The following PARD3 variants were observed in gnomAD, a reference collection of about 807,000 sequenced individuals.
PARD3 encodes the protein partitioning defective 3 homolog.
PARD3 carries 75 observed loss-of-function variants against 155.4 expected under a neutral mutation model. The observed-to-expected ratio is 0.48, with a 90% confidence interval of 0.40 to 0.58. The LOEUF (loss-of-function observed/expected upper bound fraction) is 0.58. PARD3 is among the 20% of genes least tolerant of loss of function. The pLI is 0.00. For synonymous variants in PARD3, 576 were observed against 610.5 expected (o/e 0.94, Z 0.83); for missense variants, 1,642 against 1,721.7 (o/e 0.95, Z 0.82).
chr10:34,233,328 GT>G (rs1002396305), intron 22 of PARD3, among the ~76,000 whole-genome samples: 2 of 151,884 alleles, frequency 1.3e-5, no homozygotes, highest in African/African-American at 4.8e-5. Context: ...CCCCATCTCA[GT>G]TTCCTTTGCT....
At chr10:34,312,236 CA>C in intron 20 of PARD3, 1 of 1,565,978 alleles carries the variant, frequency 6.4e-7, no homozygotes, top group South Asian at 1.2e-5. Context: ...ATGTCGTAAA[CA>C]AAATTCGTCA....
intron 22 of PARD3, among the ~76,000 whole-genome samples, chr10:34,165,322 C>A (rs988547568): frequency 6.6e-6 from 1 of 152,176 alleles, no homozygotes; most frequent in African/African-American, 2.4e-5. Context: ...TTCTTCACTT[C>A]CCTTTTGAAT....
intron 1 of PARD3, among the ~76,000 whole-genome samples, chr10:34,769,207 C>T (rs1034293718): frequency 1.3e-5 from 2 of 152,212 alleles, no homozygotes; most frequent in Admixed American, 1.3e-4. Flanking sequence ...TTCTAGGATG[C>T]TGGCAGACCT....
chr10:34,196,310 C>T (rs191614028), intron 22 of PARD3, among the ~76,000 whole-genome samples: 1 of 152,248 alleles, frequency 6.6e-6, no homozygotes, highest in East Asian at 1.9e-4. Flanking sequence ...CTTGTTAATA[C>T]CCCATCAACT....
chr10:34,478,081 G>A (rs948508257), intron 3 of PARD3, among the ~76,000 whole-genome samples: 1 of 152,172 alleles, frequency 6.6e-6, no homozygotes, highest in African/African-American at 2.4e-5. Flanking sequence ...GGAAGGCAGG[G>A]CAAGAAATAA....
chr10:34,222,778 C>T (rs186369542), intron 22 of PARD3, among the ~76,000 whole-genome samples: 2 of 152,320 alleles, frequency 1.3e-5, no homozygotes, highest in Admixed American at 1.3e-4. Context: ...TCACATTGCT[C>T]CTCTGTATTC....
intron 4 of PARD3, among the ~76,000 whole-genome samples, chr10:34,458,146 T>G (rs1458270426): frequency 1.3e-5 from 2 of 152,210 alleles, no homozygotes; most frequent in East Asian, 3.8e-4. Context: ...CGTAAAATGT[T>G]GGCTTTAAAA....
chr10:34,760,248 C>T (rs1837281719), intron 1 of PARD3, among the ~76,000 whole-genome samples: 1 of 152,134 alleles, frequency 6.6e-6, no homozygotes, highest in African/African-American at 2.4e-5. Context: ...TCTCCAGCTC[C>T]TGGACTCAAG....
chr10:34,724,807 C>A (rs975978143), intron 1 of PARD3, among the ~76,000 whole-genome samples: 1 of 152,224 alleles, frequency 6.6e-6, no homozygotes, highest in Non-Finnish European at 1.5e-5. Flanking sequence ...GAGCCCTGAA[C>A]ATCAGTCTAC....
chr10:34,645,335 A>ACTGG (rs1192399102), intron 2 of PARD3, among the ~76,000 whole-genome samples: 3 of 151,914 alleles, frequency 2.0e-5, no homozygotes, highest in Admixed American at 2.0e-4. Context: ...CCTCCCCAGT[A>ACTGG]GCTGGAATTA....
chr10:34,620,266 G>A (rs918368740), intron 2 of PARD3, among the ~76,000 whole-genome samples: 13 of 152,082 alleles, frequency 8.5e-5, no homozygotes, highest in East Asian at 3.9e-4. Context: ...TCCTCCACTG[G>A]TAGCCAAAGC....
chr10:34,595,758 T>TAA (rs59111790), intron 2 of PARD3, among the ~76,000 whole-genome samples: 1 of 151,238 alleles, frequency 6.6e-6, no homozygotes, highest in Non-Finnish European at 1.5e-5. Context: ...TTATTTAGGT[T>TAA]AAAAAAAAAC....
At chr10:34,344,658 A>C in intron 15 of PARD3, 1 of 985,366 alleles carries the variant, frequency 1.0e-6, no homozygotes, top group Middle Eastern at 5.2e-4. Flanking sequence ...CAAAGGAAGA[A>C]TCCTATGTAG....
At chr10:34,464,373 C>A (rs1261223258) in intron 4 of PARD3, among the ~76,000 whole-genome samples, 1 of 152,118 alleles carries the variant, frequency 6.6e-6, no homozygotes, top group African/African-American at 2.4e-5. Context: ...CACTCCTATC[C>A]TATTTATCTA....
intron 1 of PARD3, 130 bp downstream of exon 1, chr10:34,814,746 G>T: frequency 2.5e-6 from 2 of 785,548 alleles, no homozygotes; most frequent in Non-Finnish European, 3.8e-6. Context: ...GCGCCCGCGA[G>T]GCCCGACCGG....
rs1007089982 is a variant in PARD3, at chr10:34,779,332, G to A, written c.120+35544C>T. On this transcript the variant is annotated intron_variant, in intron 1 of 24. Transcript: ENST00000374788. Reference sequence around the variant, plus strand: ...AAAAATAAAATAAAATAAAGCAGCCGGGCGCGGTGGCTCACGCCTGTAATC... The same window carrying A: ...AAAAATAAAATAAAATAAAGCAGCCAGGCGCGGTGGCTCACGCCTGTAATC... Among the ~76,000 whole-genome samples the A allele has an allele frequency of 1.3e-4, 19 of 149,602 alleles. No individual in the cohort carries two copies. In the East Asian group the frequency reaches 1.6e-3, roughly 13 times the overall value.
In PARD3 at chr10:34,382,753, T is replaced by C; in HGVS notation, c.1186A>G (p.Ser396Gly). ...SQYIDNRSVNSAGLHTVQRAP... is the reference protein window; with the variant it reads ...SQYIDNRSVNGAGLHTVQRAP... ...CTCTGCACCGTGTGAAGCCCTGCAC[T>C]GTTCACACTCCTGTTGTCAATATAC... is the stretch of plus-strand genomic sequence containing the variant. The change falls in exon 9 of 25, where the codon AGT becomes GGT. Residue 396 changes from serine to glycine, a missense_variant. By Grantham distance (56) the Ser-to-Gly change is moderately conservative. This residue lies in a region of PARD3 where 1,529 missense variants were observed against 1,587.3 expected (regional missense o/e 0.96). Transcript: ENST00000374788. The C allele has an allele frequency of 6.2e-7, 1 of 1,614,200 alleles. No individual in the cohort carries two copies. The highest frequency in any genetic ancestry group is 8.5e-7 in the Non-Finnish European group (1 of 1,180,022).
chr10:34,643,686 G>T (rs1041430114), intron 2 of PARD3, among the ~76,000 whole-genome samples: 2 of 152,152 alleles, frequency 1.3e-5, no homozygotes, highest in African/African-American at 4.8e-5. Flanking sequence ...AGGTACAACT[G>T]GGGAGGATCA....
intron 2 of PARD3, among the ~76,000 whole-genome samples, chr10:34,598,107 T>C (rs114622793): frequency 0.014 from 2,091 of 152,290 alleles, 55 homozygotes; most frequent in African/African-American, 0.047. Context: ...AGCTGAAAAG[T>C]ATTCCTGAGC....
Sources: allele counts gnomAD v4.1 joint callset (sites outside exome capture counted in the v4.1 genomes callset), GRCh38; gene constraint gnomAD v4.1.1; regional missense constraint gnomAD v4.1.1; transcripts MANE v1.5; gene names NCBI Gene and HGNC (gene_info 2026-07-23, HGNC 2026-07-21).